DCC: variants seen among roughly 807,000 people sequenced by gnomAD.
DCC encodes DCC netrin 1 receptor.
DCC carries 58 observed loss-of-function variants against 172.5 expected under a neutral mutation model. The ratio of observed to expected loss-of-function variants is 0.34; its 90% confidence interval spans 0.27 to 0.42. The LOEUF (loss-of-function observed/expected upper bound fraction) is 0.42, where lower values mean the gene tolerates loss of function less well. Ranked by LOEUF, DCC falls within the 10% of genes least tolerant of loss-of-function variation. The pLI, the probability that DCC is intolerant of heterozygous loss-of-function variation, is 1.00. For synonymous variants in DCC, 709 were observed against 644.5 expected (o/e 1.10, Z -1.52); for missense variants, 1,740 against 1,791.0 (o/e 0.97, Z 0.51).
chr18:52,520,726 T>A (rs2031785962), intron 1 of DCC, among the ~76,000 whole-genome samples: 1 of 148,150 alleles, frequency 6.7e-6, no homozygotes, highest in African/African-American at 2.5e-5. Context: ...ATTTAGGCAA[T>A]GATTTTTTTT....
chr18:52,525,716 C>T (rs975199880), intron 1 of DCC, among the ~76,000 whole-genome samples: 3 of 152,036 alleles, frequency 2.0e-5, no homozygotes, highest in African/African-American at 7.2e-5. Context: ...AAGTGGAGAA[C>T]AGAAAAATGT....
chr18:53,138,152 A>G (rs890165831), intron 7 of DCC, among the ~76,000 whole-genome samples: 1 of 152,000 alleles, frequency 6.6e-6, no homozygotes, highest in African/African-American at 2.4e-5. Context: ...AATCTGGTCT[A>G]ATTTATACTG....
intron 12 of DCC, among the ~76,000 whole-genome samples, chr18:53,251,966 C>T (rs1395141741): frequency 1.3e-5 from 2 of 151,896 alleles, no homozygotes; most frequent in Non-Finnish European, 2.9e-5. Flanking sequence ...TCATTTCACC[C>T]CACTGGGCTG....
At chr18:52,712,149 C>T (rs1599039101) in intron 1 of DCC, among the ~76,000 whole-genome samples, 1 of 152,002 alleles carries the variant, frequency 6.6e-6, no homozygotes, top group East Asian at 1.9e-4. Flanking sequence ...TTAGTAGAGA[C>T]GGGGTTTCAC....
intron 9 of DCC, among the ~76,000 whole-genome samples, chr18:53,193,802 A>G (rs571466371): frequency 5.7e-4 from 87 of 152,320 alleles, no homozygotes; most frequent in African/African-American, 1.9e-3. Flanking sequence ...AAAGCCTTGA[A>G]ATAGATAAAC....
chr18:52,423,204 T>G (rs1342557171), intron 1 of DCC, among the ~76,000 whole-genome samples: 1 of 152,134 alleles, frequency 6.6e-6, no homozygotes, highest in Non-Finnish European at 1.5e-5. Flanking sequence ...ACAATCCTCA[T>G]TGAAAAAGGC....
chr18:52,941,896 C>T (rs1382873702), intron 5 of DCC, among the ~76,000 whole-genome samples: 1 of 152,074 alleles, frequency 6.6e-6, no homozygotes, highest in Non-Finnish European at 1.5e-5. Flanking sequence ...AATTCTCCTG[C>T]CTCAGCCTCC....
At chr18:53,509,199 A>G (rs938804376) in intron 27 of DCC, among the ~76,000 whole-genome samples, 1 of 152,264 alleles carries the variant, frequency 6.6e-6, no homozygotes, top group Non-Finnish European at 1.5e-5. Context: ...GTAGGAAGTA[A>G]GCTATTGAAA....
intron 23 of DCC, among the ~76,000 whole-genome samples, chr18:53,451,544 G>T (rs1399492478): frequency 1.3e-5 from 2 of 152,094 alleles, no homozygotes; most frequent in Non-Finnish European, 2.9e-5. Context: ...TGAGTTTTTG[G>T]TTCTGGTTTT....
intron 1 of DCC, among the ~76,000 whole-genome samples, chr18:52,696,301 T>C (rs1175687845): frequency 1.3e-5 from 2 of 152,278 alleles, no homozygotes; most frequent in East Asian, 3.9e-4. Flanking sequence ...TTAATAAATA[T>C]GAACTTTCCC....
At chr18:52,576,600 C>T (rs956584909) in intron 1 of DCC, among the ~76,000 whole-genome samples, 3 of 152,030 alleles carry the variant, frequency 2.0e-5, no homozygotes, top group South Asian at 2.1e-4. Flanking sequence ...GAGGCCGAGG[C>T]GTGTGGATCA....
intron 7 of DCC, among the ~76,000 whole-genome samples, chr18:53,078,748 A>T (rs539900597): frequency 6.6e-6 from 1 of 152,306 alleles, no homozygotes; most frequent in African/African-American, 2.4e-5. Context: ...ATATACCAAG[A>T]ATCTATAGGT....
At chr18:53,475,329 A>G (rs1160487584) in intron 25 of DCC, among the ~76,000 whole-genome samples, 1 of 152,220 alleles carries the variant, frequency 6.6e-6, no homozygotes, top group Non-Finnish European at 1.5e-5. Context: ...AATAGGGGAA[A>G]TGTTTCCAGG....
At chr18:53,157,658 GA>G (rs1475020627) in intron 8 of DCC, 146 bp downstream of exon 8, 7 of 815,452 alleles carry the variant, frequency 8.6e-6, no homozygotes, top group Non-Finnish European at 1.4e-5. Context: ...CCCCAGTGGA[GA>G]TGTGCACTTT....
chr18:53,109,119 C>T (rs1046985820), intron 7 of DCC, among the ~76,000 whole-genome samples: 4 of 151,360 alleles, frequency 2.6e-5, no homozygotes, highest in African/African-American at 9.7e-5. Flanking sequence ...CTCATTGTAG[C>T]TTTAATATGT....
chr18:52,675,312 C>T (rs1401587013), intron 1 of DCC, among the ~76,000 whole-genome samples: 3 of 152,112 alleles, frequency 2.0e-5, no homozygotes, highest in Admixed American at 6.5e-5. Context: ...GCCTCGGCCT[C>T]CCAAAATGCT....
chr18:52,375,486 GA>G (rs1393457375), intron 1 of DCC, among the ~76,000 whole-genome samples: 1 of 152,128 alleles, frequency 6.6e-6, no homozygotes, highest in Non-Finnish European at 1.5e-5. Context: ...TATTCATTAT[GA>G]AATTTCAAAT....
At chr18:53,479,237 A>G (rs1280920891) in intron 25 of DCC, among the ~76,000 whole-genome samples, 1 of 152,214 alleles carries the variant, frequency 6.6e-6, no homozygotes. Flanking sequence ...AATCTGATCA[A>G]TTCATTATCA....
chr18:52,631,766 C>T (rs891076132), intron 1 of DCC, among the ~76,000 whole-genome samples: 1 of 152,166 alleles, frequency 6.6e-6, no homozygotes, highest in Non-Finnish European at 1.5e-5. Context: ...ATCTTCTCAC[C>T]TCAATTGGGA....
Sources: gnomAD v4.1 joint callset for allele counts (sites outside exome capture counted in the v4.1 genomes callset) on GRCh38, gnomAD v4.1.1 for gene constraint, MANE v1.5 for transcripts, NCBI Gene and HGNC (gene_info 2026-07-23, HGNC 2026-07-21) for gene names.